Variants in ACOXL observed in about 807,000 individuals in gnomAD.
ACOXL encodes acyl-coenzyme A oxidase-like protein.
In ACOXL, 70 loss-of-function variants were observed where a neutral mutation model predicts 71.9. That is an observed-to-expected ratio of 0.97 (90% CI 0.80 to 1.19). The LOEUF (loss-of-function observed/expected upper bound fraction) is 1.19, where lower values mean the gene tolerates loss of function less well. Ranked by LOEUF, ACOXL falls within the 50% of genes most tolerant of loss-of-function variation. ACOXL has a pLI of 0.00. For synonymous variants in ACOXL, 253 were observed against 281.6 expected (o/e 0.90, Z 1.02); for missense variants, 703 against 736.3 (o/e 0.95, Z 0.52).
At chr2:110,901,888 G>A (rs915592659) in intron 10 of ACOXL, among the ~76,000 whole-genome samples, 2 of 152,086 alleles carry the variant, frequency 1.3e-5, no homozygotes, top group African/African-American at 4.8e-5. Flanking sequence ...TTAGGCAGGT[G>A]TGGTGGCATG....
At chr2:110,860,894 C>T (rs1693868740) in intron 10 of ACOXL, among the ~76,000 whole-genome samples, 3 of 152,200 alleles carry the variant, frequency 2.0e-5, no homozygotes, top group Admixed American at 2.0e-4. Context: ...TTCCCCTGTT[C>T]TCACAGATCG....
intron 1 of ACOXL, among the ~76,000 whole-genome samples, chr2:110,756,318 G>C (rs559745183): frequency 6.6e-6 from 1 of 152,224 alleles, no homozygotes; most frequent in East Asian, 1.9e-4. Context: ...TAGTAGAGAC[G>C]GGGTTTCGTC....
At chr2:110,798,542 G>C in intron 5 of ACOXL, 68 bp from the exon 6 acceptor site, 2 of 1,321,898 alleles carry the variant, frequency 1.5e-6, no homozygotes, top group Non-Finnish European at 2.2e-6. Context: ...AGTATTCATT[G>C]CTTTGAGCCA....
intron 10 of ACOXL, among the ~76,000 whole-genome samples, chr2:110,876,276 C>T (rs528464831): frequency 6.6e-6 from 1 of 152,302 alleles, no homozygotes; most frequent in African/African-American, 2.4e-5. Flanking sequence ...ATACCCACAC[C>T]CAGAGAGAGG....
intron 15 of ACOXL, among the ~76,000 whole-genome samples, chr2:111,033,064 C>T (rs1485526560): frequency 6.6e-6 from 1 of 152,180 alleles, no homozygotes; most frequent in African/African-American, 2.4e-5. Flanking sequence ...GAAGCAGGGG[C>T]CCCATGGGAA....
chr2:110,762,138 C>T (rs909926516), intron 1 of ACOXL, among the ~76,000 whole-genome samples: 1 of 152,128 alleles, frequency 6.6e-6, no homozygotes, highest in Admixed American at 6.6e-5. Context: ...TCTACTCTAG[C>T]TGATATAAAT....
At chr2:110,825,236 A>G (rs982951858) in intron 9 of ACOXL, among the ~76,000 whole-genome samples, 1 of 152,236 alleles carries the variant, frequency 6.6e-6, no homozygotes, top group Non-Finnish European at 1.5e-5. Flanking sequence ...TCCTTCAAAC[A>G]GAAAGACAAC....
intron 9 of ACOXL, among the ~76,000 whole-genome samples, chr2:110,807,185 G>A (rs1686763205): frequency 6.6e-6 from 1 of 152,182 alleles, no homozygotes; most frequent in African/African-American, 2.4e-5. Flanking sequence ...GAAAGCCCTG[G>A]GCTCAGCCCT....
chr2:111,033,736 C>T lies in ACOXL; in HGVS notation c.1369+2022C>T, dbSNP rs368012962. 8.3e-4 allele frequency among the ~76,000 whole-genome samples: 126 copies of T among 152,246 alleles called. No homozygotes were observed. The South Asian group carries it at 0.025, about 31-fold the overall frequency. ...GTACTTGAGACACCCTGATTGAAGGCGACTGTGTCTTGGGCCTTCTCATTC... is the reference window on the plus strand; with the variant it reads ...GTACTTGAGACACCCTGATTGAAGGTGACTGTGTCTTGGGCCTTCTCATTC... On this transcript the variant is annotated intron_variant, in intron 15 of 17. Transcript: ENST00000439055.
intron 9 of ACOXL, among the ~76,000 whole-genome samples, chr2:110,807,684 G>A (rs896452667): frequency 6.6e-6 from 1 of 152,140 alleles, no homozygotes; most frequent in Non-Finnish European, 1.5e-5. Context: ...ACAGTGACCC[G>A]GGCCGCTGTG....
intron 9 of ACOXL, among the ~76,000 whole-genome samples, chr2:110,807,148 C>T (rs887053626): frequency 5.3e-5 from 8 of 152,230 alleles, no homozygotes; most frequent in Non-Finnish European, 8.8e-5. Context: ...CCCGGCAACA[C>T]GGAGACGTGA....
chr2:110,818,423 ATGTGTGTGTGTGTGTG>A lies in ACOXL; in HGVS notation c.753+13042_753+13057del, dbSNP rs766770172. On this transcript the variant is annotated intron_variant, in intron 9 of 17. Transcript: ENST00000439055. ...AAAAAAAAAAAACATATATATATATATGTGTGTGTGTGTGTGTGTGTGTGTGTGTATATATATATAT... is the reference window on the plus strand; with the variant it reads ...AAAAAAAAAAAACATATATATATATATGTGTGTGTGTGTATATATATATAT... Among the ~76,000 whole-genome samples, 258 of 137,694 alleles carry A rather than the reference ATGTGTGTGTGTGTGTG, an allele frequency of 1.9e-3. 2 individuals are homozygous for A. The highest frequency in any genetic ancestry group is 7.6e-3 in the Middle Eastern group (2 of 264). The allele number at this position is 137,694 out of a possible 152,430, so 90.3% of individuals were successfully genotyped here.
chr2:111,007,995 CACA>C (rs1423249136), intron 14 of ACOXL, among the ~76,000 whole-genome samples: 2 of 152,198 alleles, frequency 1.3e-5, no homozygotes, highest in Admixed American at 6.5e-5. Flanking sequence ...CCCCTGTGTA[CACA>C]ACAAGTAGTT....
At chr2:110,822,376 C>T (rs1688720669) in intron 9 of ACOXL, among the ~76,000 whole-genome samples, 1 of 152,118 alleles carries the variant, frequency 6.6e-6, no homozygotes, top group Non-Finnish European at 1.5e-5. Context: ...ATATGGTTGC[C>T]ACCATCTGCC....
At chr2:111,030,730 A>AC (rs2065227129) in intron 14 of ACOXL, among the ~76,000 whole-genome samples, 1 of 103,876 alleles carries the variant, frequency 9.6e-6, no homozygotes, top group South Asian at 3.9e-4. Context: ...TTCCTTGAGC[A>AC]CAAAAAAAAA....
intron 1 of ACOXL, among the ~76,000 whole-genome samples, chr2:110,755,061 G>T (rs1488699668): frequency 1.3e-5 from 2 of 152,038 alleles, no homozygotes; most frequent in African/African-American, 2.4e-5. Flanking sequence ...TAGCTTAGAG[G>T]TTTGCAGGCT....
chr2:110,776,024 G>A (rs1399327652), intron 2 of ACOXL, among the ~76,000 whole-genome samples: 1 of 152,142 alleles, frequency 6.6e-6, no homozygotes, highest in Non-Finnish European at 1.5e-5. Context: ...TCAATTGGCA[G>A]GTGAATGGCA....
Position 111,092,970 on chromosome 2 carries a change from A to G in ACOXL, c.1542+4A>G. 6.2e-7 allele frequency: 1 copy of G among 1,613,020 alleles called. No homozygotes were observed. Among genetic ancestry groups the G allele is most frequent in the Non-Finnish European group, 8.5e-7 (1 of 1,179,086 alleles). On this transcript the variant is annotated splice_donor_region_variant and intron_variant, in intron 17 of 17. Coordinates refer to ENST00000439055, the MANE Select transcript of ACOXL (RefSeq NM_001142807.4). ...CAGCACGAGGATCAGGAATCAGGTA[A>G]GGTCCCTGGGGTACAGAAAAACACT...
At chr2:110,825,717 T>C (rs1360937489) in intron 9 of ACOXL, among the ~76,000 whole-genome samples, 4 of 152,166 alleles carry the variant, frequency 2.6e-5, no homozygotes, top group Non-Finnish European at 5.9e-5. Flanking sequence ...AGGTTTTTTG[T>C]TTTAGAGACA....
Sources: allele counts gnomAD v4.1 joint callset (sites outside exome capture counted in the v4.1 genomes callset), GRCh38; gene constraint gnomAD v4.1.1; transcripts MANE v1.5; gene names NCBI Gene and HGNC (gene_info 2026-07-23, HGNC 2026-07-21).